CNTN6: variants seen among roughly 807,000 people sequenced by gnomAD.
CNTN6 encodes contactin-6.
CNTN6 carries 137 observed loss-of-function variants against 122.8 expected under a neutral mutation model. That is an observed-to-expected ratio of 1.12 (90% CI 0.97 to 1.29). CNTN6 has a LOEUF of 1.29. Ranked by LOEUF, CNTN6 falls within the 50% of genes most tolerant of loss-of-function variation. CNTN6 has a pLI of 0.00. For missense variants in CNTN6, 1,634 were observed against 1,223.4 expected (o/e 1.34, Z -5.01); for synonymous variants, 570 against 426.0 (o/e 1.34, Z -4.16).
intron 12 of CNTN6, among the ~76,000 whole-genome samples, chr3:1,357,429 A>G (rs1009702645): frequency 6.6e-6 from 1 of 151,882 alleles, no homozygotes; most frequent in African/African-American, 2.4e-5. Flanking sequence ...TGTTAAATAC[A>G]TTCTCTGTCC....
chr3:1,178,267 TCTG>T (rs986311657), intron 2 of CNTN6, among the ~76,000 whole-genome samples: 36 of 152,254 alleles, frequency 2.4e-4, no homozygotes, highest in Middle Eastern at 3.4e-3. Context: ...GATGCTCTGT[TCTG>T]CTTTATTCAC....
chr3:1,173,121 C>G (rs192859506), intron 2 of CNTN6: 4 of 418,880 alleles, frequency 9.5e-6, no homozygotes, highest in East Asian at 1.4e-4. Context: ...TCTCTTCTGG[C>G]TTTTCTGCCA....
intron 2 of CNTN6, among the ~76,000 whole-genome samples, chr3:1,208,546 G>C (rs1257899203): frequency 1.3e-5 from 2 of 151,936 alleles, no homozygotes; most frequent in African/African-American, 4.8e-5. Context: ...TTTTGGTGTA[G>C]TACTTATCCT....
At chr3:1,297,673 C>G (rs1363769707) in intron 6 of CNTN6, among the ~76,000 whole-genome samples, 1 of 147,062 alleles carries the variant, frequency 6.8e-6, no homozygotes, top group African/African-American at 2.5e-5. Flanking sequence ...ATCTGGCTCT[C>G]TGAGTTCCCT....
chr3:1,266,797 G>A (rs553949946), intron 4 of CNTN6, among the ~76,000 whole-genome samples: 4 of 152,164 alleles, frequency 2.6e-5, no homozygotes, highest in African/African-American at 9.6e-5. Flanking sequence ...TATAAATGCA[G>A]TTGTTCTTGG....
In CNTN6 at chr3:1,157,192, T is replaced by TTTTA. The variant is rs1404306861; in HGVS notation, c.55+9154_55+9157dup. 8.0e-4 allele frequency among the ~76,000 whole-genome samples: 117 copies of TTTTA among 147,030 alleles called. 1 individual carries two copies. Among genetic ancestry groups the TTTTA allele is most frequent in the Middle Eastern group, 3.6e-3 (1 of 280 alleles). On this transcript the variant is annotated intron_variant, in intron 2 of 22. Transcript: ENST00000446702. ...TGTCACAAACAATCTAATTATACTCTTTTATTTATTTATTTATTTATTTAT... is the reference window on the plus strand; with the variant it reads ...TGTCACAAACAATCTAATTATACTCTTTTATTTATTTATTTATTTATTTATTTAT...
At chr3:1,281,543 C>G (rs1405277962) in intron 5 of CNTN6, among the ~76,000 whole-genome samples, 3 of 151,632 alleles carry the variant, frequency 2.0e-5, no homozygotes, top group Admixed American at 6.6e-5. Context: ...CTGCTCACCA[C>G]TACCTCCGCC....
chr3:1,321,445 C>T (rs373983604), intron 7 of CNTN6, among the ~76,000 whole-genome samples: 4 of 151,830 alleles, frequency 2.6e-5, no homozygotes, highest in African/African-American at 9.7e-5. Flanking sequence ...AGCACAGTGA[C>T]TTGCATACGG....
intron 4 of CNTN6, among the ~76,000 whole-genome samples, chr3:1,242,898 C>A (rs1023834287): frequency 6.6e-6 from 1 of 152,038 alleles, no homozygotes; most frequent in Non-Finnish European, 1.5e-5. Context: ...TCAATACCCA[C>A]AACAGTTATG....
At chr3:1,189,095 T>C (rs1462979847) in intron 2 of CNTN6, among the ~76,000 whole-genome samples, 1 of 152,190 alleles carries the variant, frequency 6.6e-6, no homozygotes. Flanking sequence ...CATGATTTGA[T>C]TGCCATCTAG....
intron 12 of CNTN6, 96 bp from the exon 13 acceptor site, chr3:1,372,203 A>G: frequency 1.1e-6 from 1 of 945,954 alleles, no homozygotes; most frequent in Admixed American, 3.0e-5. Context: ...GCATTTATAT[A>G]ATTTCAAATG....
chr3:1,267,239 CT>C (rs1008478170), intron 4 of CNTN6, among the ~76,000 whole-genome samples: 3 of 152,102 alleles, frequency 2.0e-5, no homozygotes, highest in Admixed American at 6.6e-5. Flanking sequence ...TCCTTCCTCA[CT>C]TTTTTTCCCT....
chr3:1,255,740 A>G (rs144983313), intron 4 of CNTN6, among the ~76,000 whole-genome samples: 40 of 152,260 alleles, frequency 2.6e-4, no homozygotes, highest in African/African-American at 9.6e-4. Context: ...TGGCACCATC[A>G]CAACCTACTG....
chr3:1,200,422 G>A (rs1477846662), intron 2 of CNTN6, among the ~76,000 whole-genome samples: 1 of 152,182 alleles, frequency 6.6e-6, no homozygotes. Context: ...GAATCTTGGT[G>A]GATGGAGGCC....
chr3:1,241,757 T>C (rs148428634), intron 4 of CNTN6, among the ~76,000 whole-genome samples: 10,848 of 151,906 alleles, frequency 0.071, 666 homozygotes, highest in East Asian at 0.32. Flanking sequence ...GTCCTCCTTT[T>C]TCAGCAGTAA....
chr3:1,358,486 G>A (rs1404733313), intron 12 of CNTN6, among the ~76,000 whole-genome samples: 1 of 149,354 alleles, frequency 6.7e-6, no homozygotes, highest in Non-Finnish European at 1.5e-5. Flanking sequence ...AATAAACTAT[G>A]TCATTAAGAT....
At chr3:1,186,447 A>G (rs1453307630) in intron 2 of CNTN6, among the ~76,000 whole-genome samples, 5 of 152,126 alleles carry the variant, frequency 3.3e-5, no homozygotes, top group Non-Finnish European at 5.9e-5. Context: ...AGGAAAAAAA[A>G]AAATCTTTAA....
intron 20 of CNTN6, among the ~76,000 whole-genome samples, chr3:1,387,610 C>G (rs1052564239): frequency 6.6e-6 from 1 of 152,066 alleles, no homozygotes; most frequent in African/African-American, 2.4e-5. Context: ...TCTACAGCTC[C>G]CAGTGAAGAC....
chr3:1,388,154 ATGTCCC>A (rs1446204732), intron 20 of CNTN6, among the ~76,000 whole-genome samples: 1 of 151,654 alleles, frequency 6.6e-6, no homozygotes, highest in Non-Finnish European at 1.5e-5. Flanking sequence ...GCAGAGTTAA[ATGTCCC>A]TGTCTGACAG....
Sources: allele counts gnomAD v4.1 joint callset (sites outside exome capture counted in the v4.1 genomes callset), GRCh38; gene constraint gnomAD v4.1.1; transcripts MANE v1.5; gene names NCBI Gene and HGNC (gene_info 2026-07-23, HGNC 2026-07-21).